Variants in TMEM132D observed in about 807,000 individuals in gnomAD.
The protein encoded by TMEM132D is transmembrane protein 132D, also known as mature OL transmembrane protein.
In TMEM132D, 21 loss-of-function variants were observed where a neutral mutation model predicts 62.3. The observed-to-expected ratio is 0.34, with a 90% CI of 0.24 to 0.49. The LOEUF (loss-of-function observed/expected upper bound fraction) is 0.49, where lower values mean the gene tolerates loss of function less well. TMEM132D is among the 20% of genes least tolerant of loss of function. The probability of loss-of-function intolerance (pLI) is 0.99; values close to 1 mark genes in which losing one functional copy is unlikely to be tolerated. For missense variants in TMEM132D, 1,346 were observed against 1,402.8 expected (o/e 0.96, Z 0.65); for synonymous variants, 621 against 575.6 (o/e 1.08, Z -1.13).
chr12:129,734,875 G>A (rs1212581905), intron 1 of TMEM132D, among the ~76,000 whole-genome samples: 4 of 152,008 alleles, frequency 2.6e-5, no homozygotes, highest in African/African-American at 9.7e-5. Flanking sequence ...AGTGGTAACA[G>A]CATGAAAAGA....
At chr12:129,530,990 G>GAAGGAAAA (rs1555263130) in intron 3 of TMEM132D, 69 bp downstream of exon 3, 2 of 1,154,674 alleles carry the variant, frequency 1.7e-6, no homozygotes, top group African/African-American at 3.3e-5. Context: ...AGCAATCTAG[G>GAAGGAAAA]AAAAAAAAAA....
chr12:129,228,068 C>T (rs74930263), intron 4 of TMEM132D, among the ~76,000 whole-genome samples: 7,633 of 152,206 alleles, frequency 0.05, 502 homozygotes, highest in East Asian at 0.31. Context: ...CTTTATAATC[C>T]TTAGCTGGGC....
chr12:129,612,925 T>C (rs1458284075), intron 2 of TMEM132D, among the ~76,000 whole-genome samples: 1 of 152,200 alleles, frequency 6.6e-6, no homozygotes, highest in Non-Finnish European at 1.5e-5. Context: ...TTTGTCAATC[T>C]AATATTTTAA....
At chr12:129,340,860 C>T (rs964413525) in intron 3 of TMEM132D, among the ~76,000 whole-genome samples, 4 of 152,202 alleles carry the variant, frequency 2.6e-5, no homozygotes, top group South Asian at 2.1e-4. Context: ...ACTATACCAA[C>T]CTTCAGGAAG....
At chr12:129,474,831 A>G (rs901586031) in intron 3 of TMEM132D, among the ~76,000 whole-genome samples, 1 of 152,036 alleles carries the variant, frequency 6.6e-6, no homozygotes, top group Non-Finnish European at 1.5e-5. Flanking sequence ...GATGACATTG[A>G]CCTCCAGAGG....
chr12:129,105,860 G>A (rs988548668), intron 5 of TMEM132D, among the ~76,000 whole-genome samples: 6 of 150,714 alleles, frequency 4.0e-5, no homozygotes, highest in South Asian at 2.1e-4. Context: ...TCAGTGTGGC[G>A]ATTCCTCAGG....
At position 129,189,809 on chromosome 12, in the gene TMEM132D, C is replaced by T. The variant is rs73163136; in HGVS notation, c.1443+19711G>A. 3.7e-3 allele frequency among the ~76,000 whole-genome samples: 557 copies of T among 152,224 alleles called. 3 individuals carry two copies. The highest frequency in any genetic ancestry group is 5.1e-3 in the Non-Finnish European group (348 of 68,042). ...CAAGCTTGGCAAAGACGTCAGTGTC[C>T]TCATCCCTGCAGACTGTGAATGAGT... On this transcript the variant is annotated intron_variant, in intron 5 of 8. Coordinates refer to ENST00000422113, the MANE Select transcript of TMEM132D (RefSeq NM_133448.3).
chr12:129,496,461 G>A (rs1874959634), intron 3 of TMEM132D, among the ~76,000 whole-genome samples: 1 of 152,010 alleles, frequency 6.6e-6, no homozygotes. Flanking sequence ...AAAGAGTAAG[G>A]GCTTAAGAAG....
chr12:129,501,384 G>T (rs1450781271), intron 3 of TMEM132D, among the ~76,000 whole-genome samples: 1 of 152,050 alleles, frequency 6.6e-6, no homozygotes. Context: ...AAAAAAATCT[G>T]ATTCTATCGC....
chr12:129,577,897 C>A (rs973474347), intron 2 of TMEM132D, among the ~76,000 whole-genome samples: 1 of 152,134 alleles, frequency 6.6e-6, no homozygotes, highest in Non-Finnish European at 1.5e-5. Flanking sequence ...AACATTAATT[C>A]TGGATGTGTC....
At chr12:129,576,334 T>C (rs757693826) in intron 2 of TMEM132D, among the ~76,000 whole-genome samples, 3 of 151,818 alleles carry the variant, frequency 2.0e-5, no homozygotes, top group African/African-American at 7.3e-5. Flanking sequence ...GTAATTAAAA[T>C]AGATTCACAG....
intron 3 of TMEM132D, among the ~76,000 whole-genome samples, chr12:129,492,226 T>C (rs1037177625): frequency 6.6e-6 from 1 of 152,230 alleles, no homozygotes; most frequent in African/African-American, 2.4e-5. Flanking sequence ...CAAATAGTTT[T>C]GGTTACAAAT....
At chr12:129,649,073 T>C (rs1244054287) in intron 2 of TMEM132D, among the ~76,000 whole-genome samples, 1 of 152,142 alleles carries the variant, frequency 6.6e-6, no homozygotes, top group East Asian at 1.9e-4. Context: ...GCAAAGTAGA[T>C]GGTTTTTGAC....
chr12:129,592,302 TG>T (rs1407444083), intron 2 of TMEM132D, among the ~76,000 whole-genome samples: 1 of 152,190 alleles, frequency 6.6e-6, no homozygotes, highest in Non-Finnish European at 1.5e-5. Context: ...TCTTTCTAGA[TG>T]GACCGAGATG....
intron 4 of TMEM132D, among the ~76,000 whole-genome samples, chr12:129,275,641 G>A (rs552454026): frequency 6.6e-5 from 10 of 152,314 alleles, no homozygotes; most frequent in African/African-American, 2.2e-4. Context: ...GGAGATCAAG[G>A]TCAGGGCCGC....
chr12:129,405,050 TC>T (rs1232861918), intron 3 of TMEM132D, among the ~76,000 whole-genome samples: 1 of 152,188 alleles, frequency 6.6e-6, no homozygotes, highest in Non-Finnish European at 1.5e-5. Context: ...TCTTTCAATA[TC>T]ATTTTAATTT....
rs375230592 is a variant in TMEM132D, at chr12:129,770,140, G to GTTTTTTTTTTTTTTTTTTTT, written c.80-69443_80-69442insAAAAAAAAAAAAAAAAAAAA. On this transcript the variant is annotated intron_variant, in intron 1 of 8. Transcript: ENST00000422113. ...ATGAGATTCTTTGTGGGTTTTTTTGGTTGTTTTTTTTTTTTTTTTTTGAGA... is the reference window on the plus strand; with the variant it reads ...ATGAGATTCTTTGTGGGTTTTTTTGGTTTTTTTTTTTTTTTTTTTTTTGTTTTTTTTTTTTTTTTTTGAGA... Among the ~76,000 whole-genome samples the GTTTTTTTTTTTTTTTTTTTT allele has an allele frequency of 2.9e-5, 3 of 104,310 alleles. 1 individual carries two copies. The highest frequency in any genetic ancestry group is 3.7e-5 in the Non-Finnish European group (2 of 54,156). 68.4% of individuals were successfully genotyped at this position (104,310 alleles called of 152,430 possible).
At chr12:129,206,209 G>A (rs1303443876) in intron 5 of TMEM132D, among the ~76,000 whole-genome samples, 1 of 152,150 alleles carries the variant, frequency 6.6e-6, no homozygotes. Context: ...CTTAGCATCT[G>A]ACAAAGGTCT....
intron 3 of TMEM132D, among the ~76,000 whole-genome samples, chr12:129,367,443 A>G (rs1870451477): frequency 6.6e-6 from 1 of 152,270 alleles, no homozygotes; most frequent in African/African-American, 2.4e-5. Flanking sequence ...CAAATGCAGC[A>G]GCCAATTGCA....
Sources: allele counts gnomAD v4.1 joint callset (sites outside exome capture counted in the v4.1 genomes callset), GRCh38; gene constraint gnomAD v4.1.1; transcripts MANE v1.5; gene names NCBI Gene and HGNC (gene_info 2026-07-23, HGNC 2026-07-21).